PCLO: variants seen among roughly 807,000 people sequenced by gnomAD.
PCLO encodes protein piccolo.
In PCLO, 82 loss-of-function variants were observed where a neutral mutation model predicts 427.5. The ratio of observed to expected loss-of-function variants is 0.19; its 90% confidence interval spans 0.16 to 0.23. The LOEUF (loss-of-function observed/expected upper bound fraction) is 0.23, where lower values mean the gene tolerates loss of function less well. Among genes scored for constraint, PCLO ranks in the 10% least tolerant of loss-of-function variants. The probability of loss-of-function intolerance (pLI) is 1.00; values close to 1 mark genes in which losing one functional copy is unlikely to be tolerated. For synonymous variants in PCLO, 2,357 were observed against 2,155.4 expected, an observed-to-expected ratio of 1.09 and a Z score of -2.59; for missense variants, 6,239 against 6,115.9, an observed-to-expected ratio of 1.02 and a Z score of -0.67.
intron 16 of PCLO, among the ~76,000 whole-genome samples, chr7:82,835,325 C>T (rs772663658): frequency 2.6e-5 from 4 of 151,972 alleles, no homozygotes; most frequent in Non-Finnish European, 5.9e-5. Context: ...ATAGAAGACT[C>T]GAGAACTTAA....
chr7:83,110,845 A>C (rs1379108954), intron 3 of PCLO, among the ~76,000 whole-genome samples: 1 of 152,196 alleles, frequency 6.6e-6, no homozygotes. Flanking sequence ...CACTAGAGAA[A>C]ATTATATGAG....
At chr7:83,049,079 G>GT (rs922609125) in intron 3 of PCLO, among the ~76,000 whole-genome samples, 1 of 152,104 alleles carries the variant, frequency 6.6e-6, no homozygotes, top group African/African-American at 2.4e-5. Context: ...ACCAGCTGCT[G>GT]TTTTTTCACT....
chr7:83,150,666 T>G (rs181292125), intron 2 of PCLO, among the ~76,000 whole-genome samples: 2 of 152,230 alleles, frequency 1.3e-5, no homozygotes, highest in South Asian at 4.1e-4. Context: ...AGAGCCATGA[T>G]GGTCACAAGC....
intron 10 of PCLO, among the ~76,000 whole-genome samples, chr7:82,861,947 C>T (rs1003482340): frequency 4.0e-5 from 6 of 151,614 alleles, no homozygotes; most frequent in African/African-American, 1.2e-4. Context: ...CATACTAAAA[C>T]CCATGCAAAA....
At chr7:83,071,600 G>C (rs1753327673) in intron 3 of PCLO, among the ~76,000 whole-genome samples, 1 of 151,998 alleles carries the variant, frequency 6.6e-6, no homozygotes, top group Admixed American at 6.6e-5. Context: ...TCTCCAGTCA[G>C]GCAGATGGGA....
chr7:83,110,173 T>A (rs182250703), intron 3 of PCLO, among the ~76,000 whole-genome samples: 1 of 151,736 alleles, frequency 6.6e-6, no homozygotes, highest in Admixed American at 6.6e-5. Context: ...TGTAGGCCTT[T>A]ACAGTGTTTA....
At chr7:83,047,385 T>C (rs1490942228) in intron 3 of PCLO, among the ~76,000 whole-genome samples, 1 of 152,024 alleles carries the variant, frequency 6.6e-6, no homozygotes, top group Non-Finnish European at 1.5e-5. Flanking sequence ...TTAAGCCAAA[T>C]ACAATACATT....
At chr7:82,776,890 G>T (rs1402491118) in intron 22 of PCLO, among the ~76,000 whole-genome samples, 1 of 149,236 alleles carries the variant, frequency 6.7e-6, no homozygotes, top group Non-Finnish European at 1.5e-5. Flanking sequence ...ATATGTGTGT[G>T]TATATATAGA....
At chr7:82,832,260 T>C in intron 16 of PCLO, among the ~76,000 whole-genome samples, 1 of 152,032 alleles carries the variant, frequency 6.6e-6, no homozygotes, top group East Asian at 1.9e-4. Context: ...GTTGGTTTGA[T>C]TATTTATTTT....
At chr7:82,906,588 A>T (rs1794197437) in intron 8 of PCLO, among the ~76,000 whole-genome samples, 1 of 152,104 alleles carries the variant, frequency 6.6e-6, no homozygotes, top group South Asian at 2.1e-4. Flanking sequence ...AGAAAAAATG[A>T]TAAAGAAAAA....
chr7:83,020,739 A>G (rs954053237), intron 3 of PCLO, among the ~76,000 whole-genome samples: 15 of 152,002 alleles, frequency 9.9e-5, no homozygotes, highest in Admixed American at 9.2e-4. Context: ...TAACCATAAC[A>G]TTGAGAAGAG....
chr7:82,847,342 A>G (rs922535970), intron 10 of PCLO, 95 bp from the exon 11 acceptor site: 16 of 655,252 alleles, frequency 2.4e-5, no homozygotes, highest in Admixed American at 7.9e-5. Flanking sequence ...TTAGAAGTCA[A>G]CTCAGCACAC....
intron 22 of PCLO, among the ~76,000 whole-genome samples, chr7:82,787,545 T>C (rs1458820630): frequency 6.6e-6 from 1 of 152,094 alleles, no homozygotes; most frequent in Admixed American, 6.5e-5. Context: ...TTAAGAAAAC[T>C]ATGAACAAGA....
chr7:82,815,124 C>A (rs1458250248), intron 20 of PCLO, among the ~76,000 whole-genome samples: 6 of 151,832 alleles, frequency 4.0e-5, no homozygotes, highest in Admixed American at 6.6e-5. Flanking sequence ...CAGAACTTCA[C>A]AACTCTAGAA....
chr7:83,021,707 T>C (rs1048325405), intron 3 of PCLO, among the ~76,000 whole-genome samples: 3 of 152,174 alleles, frequency 2.0e-5, no homozygotes, highest in African/African-American at 7.2e-5. Context: ...TAAAACAATA[T>C]TGTGATTAAG....
intron 3 of PCLO, among the ~76,000 whole-genome samples, chr7:82,973,175 A>AG (rs1355306018): frequency 6.6e-6 from 1 of 152,140 alleles, no homozygotes; most frequent in Non-Finnish European, 1.5e-5. Context: ...CTGAGACTGC[A>AG]GTTTATAAGT....
chr7:82,966,146 G>T lies in PCLO; in HGVS notation c.3642C>A (p.Leu1214=), dbSNP rs769420056. Residue 1214 remains leucine, a synonymous_variant, in exon 4 of 25, where the codon CTC becomes CTA. Coordinates refer to ENST00000333891, the MANE Select transcript of PCLO (RefSeq NM_033026.6). ...KASALQEKKP[L]PEEKKLIPEE... is the part of the protein sequence containing the mutation. The stretch of plus-strand genomic sequence containing the variant: ...CAGGGATTAGTTTTTTTTCTTCAGG[G>T]AGTGGCTTTTTTTCTTGAAGAGCTG... 1 of 1,607,202 alleles carries T rather than the reference G, an allele frequency of 6.2e-7. No homozygotes were observed. The highest frequency in any genetic ancestry group is 2.2e-5 in the East Asian group (1 of 44,820).
At position 83,134,424 on chromosome 7, in the gene PCLO, C is replaced by T. The variant is rs2116613874; in HGVS notation, c.3126G>A (p.Lys1042=). 1 of 1,613,764 alleles carries T rather than the reference C, an allele frequency of 6.2e-7. No individual in the cohort carries two copies. Among genetic ancestry groups the T allele is most frequent in the East Asian group, 2.2e-5 (1 of 44,862 alleles). ...TCTCCAGTTTTGTGGGAAGGACAGC[C>T]TTTTGAGGCTCAGCTGTTAAAGATT... ...DSKSLTAEPQ[K]AVLPTKLEKS... The change falls in exon 3 of 25, where the codon AAG becomes AAA. Residue 1042 remains lysine (K), a synonymous_variant. Coordinates refer to ENST00000333891, the MANE Select transcript of PCLO (RefSeq NM_033026.6).
intron 6 of PCLO, among the ~76,000 whole-genome samples, chr7:82,926,602 T>G (rs954316552): frequency 2.0e-5 from 3 of 152,150 alleles, no homozygotes; most frequent in Non-Finnish European, 4.4e-5. Context: ...CTCTAAGCTT[T>G]TCCTTAATGC....
Sources: allele counts gnomAD v4.1 joint callset (sites outside exome capture counted in the v4.1 genomes callset), GRCh38; gene constraint gnomAD v4.1.1; transcripts MANE v1.5; gene names NCBI Gene and HGNC (gene_info 2026-07-23, HGNC 2026-07-21).